Variants in BLVRA observed in about 807,000 individuals in gnomAD.
The protein encoded by BLVRA is BVR A.
BLVRA carries 22 observed loss-of-function variants against 32.8 expected under a neutral mutation model. The observed-to-expected ratio is 0.67, with a 90% CI of 0.48 to 0.96. The LOEUF is 0.96. Ranked by LOEUF, BLVRA falls within the 40% of genes least tolerant of loss-of-function variation. The pLI, the probability that BLVRA is intolerant of heterozygous loss-of-function variation, is 0.00. For missense variants in BLVRA, 323 were observed against 358.1 expected (o/e 0.90, Z 0.79); for synonymous variants, 119 against 141.3 (o/e 0.84, Z 1.12).
intron 1 of BLVRA, chr7:43,767,504 G>A: frequency 8.0e-7 from 1 of 1,242,622 alleles, no homozygotes; most frequent in East Asian, 2.4e-5. Flanking sequence ...TGCTGCTATT[G>A]TTGCCGTGGT....
intron 5 of BLVRA, among the ~76,000 whole-genome samples, chr7:43,793,824 A>G (rs2095788810): frequency 6.6e-6 from 1 of 151,308 alleles, no homozygotes; most frequent in Non-Finnish European, 1.5e-5. Flanking sequence ...GGGTTTCACG[A>G]TGTTGGACAC....
chr7:43,781,974 A>G (rs941131803), intron 2 of BLVRA, among the ~76,000 whole-genome samples: 10 of 152,064 alleles, frequency 6.6e-5, no homozygotes, highest in African/African-American at 2.4e-4. Context: ...CTGCACAAAC[A>G]GTTTTCTCAA....
At chr7:43,803,924 C>G (rs1360605924) in intron 7 of BLVRA, 77 bp downstream of exon 7, 3 of 1,554,242 alleles carry the variant, frequency 1.9e-6, no homozygotes, top group South Asian at 2.2e-5. Flanking sequence ...CCAAAGGGAG[C>G]CCCGAGGGGC....
intron 1 of BLVRA, among the ~76,000 whole-genome samples, chr7:43,759,612 T>C (rs2132537851): frequency 6.6e-6 from 1 of 152,330 alleles, no homozygotes; most frequent in South Asian, 2.1e-4. Context: ...ATAAATAGCT[T>C]ACAATAGGGT....
rs1215065045 is a variant in BLVRA, at chr7:43,807,235, AGAG to A, written c.*8_*10del. Reference sequence around the variant, plus strand: ...AGAAATATTGCTGTTCAAGGAAGTAAGAGGAGGAGGTGATGTAGCACTTCCAAG... The same window carrying A: ...AGAAATATTGCTGTTCAAGGAAGTAAGAGGAGGTGATGTAGCACTTCCAAG... On this transcript the variant is annotated 3_prime_UTR_variant, in exon 8 of 8. Coordinates refer to ENST00000265523, the MANE Select transcript of BLVRA (RefSeq NM_000712.4). The A allele has an allele frequency of 6.2e-7, 1 of 1,603,928 alleles. No individual in the cohort carries two copies. Among genetic ancestry groups the A allele is most frequent in the African/African-American group, 1.3e-5 (1 of 75,040 alleles).
chr7:43,771,311 T>A, intron 2 of BLVRA, 141 bp downstream of exon 2: 1 of 985,208 alleles, frequency 1.0e-6, no homozygotes, highest in East Asian at 2.5e-5. Flanking sequence ...GAAGTGCACG[T>A]GGTTCTGGGT....
intron 1 of BLVRA, among the ~76,000 whole-genome samples, chr7:43,770,672 G>A (rs528137815): frequency 1.5e-4 from 23 of 152,132 alleles, no homozygotes; most frequent in Middle Eastern, 3.4e-3. Flanking sequence ...GGTCCGGAGC[G>A]GCTTCTTGGA....
At chr7:43,806,923 A>T in intron 7 of BLVRA, 54 bp from the exon 8 acceptor site, 3 of 1,607,468 alleles carry the variant, frequency 1.9e-6, no homozygotes, top group Non-Finnish European at 2.6e-6. Context: ...GCAAGCACCC[A>T]CTTGTGCTCT....
At chr7:43,776,227 T>G (rs986706799) in intron 2 of BLVRA, among the ~76,000 whole-genome samples, 17 of 152,210 alleles carry the variant, frequency 1.1e-4, no homozygotes, top group Non-Finnish European at 2.9e-5. Context: ...CTTTTAATTG[T>G]GATGTTAGGG....
At chr7:43,777,723 T>C (rs1170913213) in intron 2 of BLVRA, among the ~76,000 whole-genome samples, 2 of 152,180 alleles carry the variant, frequency 1.3e-5, no homozygotes, top group African/African-American at 4.8e-5. Flanking sequence ...TCCTGGATAA[T>C]ATCCTGCAGA....
At chr7:43,804,441 GA>G (rs11306210) in intron 7 of BLVRA, among the ~76,000 whole-genome samples, 55,400 of 151,710 alleles carry the variant, frequency 0.37, 10,462 homozygotes, top group Admixed American at 0.45. Context: ...ACTCCTTCTT[GA>G]AAAAAAAGAA....
At chr7:43,766,290 GAAAAAA>G (rs56186712) in intron 1 of BLVRA, among the ~76,000 whole-genome samples, 1 of 93,900 alleles carries the variant, frequency 1.1e-5, no homozygotes, top group African/African-American at 4.1e-5. Flanking sequence ...CTGTCTCAGG[GAAAAAA>G]AAAAAAAAAA....
At chr7:43,798,454 G>A (rs2095795225) in intron 5 of BLVRA, among the ~76,000 whole-genome samples, 3 of 152,036 alleles carry the variant, frequency 2.0e-5, no homozygotes, top group African/African-American at 7.2e-5. Context: ...TTTTATATCA[G>A]TAGAAACTCA....
intron 2 of BLVRA, among the ~76,000 whole-genome samples, chr7:43,778,472 G>A (rs569697171): frequency 1.6e-4 from 24 of 152,302 alleles, no homozygotes; most frequent in Non-Finnish European, 2.9e-4. Context: ...GTAGAACAGC[G>A]GATTTTCGTG....
chr7:43,791,467 C>A, intron 4 of BLVRA, 99 bp downstream of exon 4: 1 of 1,363,570 alleles, frequency 7.3e-7, no homozygotes, highest in Non-Finnish European at 1.0e-6. Context: ...GTCAGAAGAG[C>A]CAGTGAGAAA....
chr7:43,770,337 G>T lies in BLVRA; in HGVS notation c.-21-801G>T, dbSNP rs1278474614. ...GTGAGAGAAAAAATTAATCTTTACA[G>T]GCCTCTGTTCTACTGTCATTCCAGT... is the stretch of plus-strand genomic sequence containing the variant. On this transcript the variant is annotated intron_variant, in intron 1 of 7. Transcript: ENST00000265523. Among the ~76,000 whole-genome samples the T allele has an allele frequency of 2.0e-5, 3 of 152,162 alleles. No homozygotes were observed. The East Asian group carries it at 5.8e-4, about 29-fold the overall frequency.
At chr7:43,758,859 A>T (rs1360969710) in intron 1 of BLVRA, 125 bp downstream of exon 1, 1 of 151,588 alleles carries the variant, frequency 6.6e-6, no homozygotes, top group East Asian at 1.9e-4. Flanking sequence ...CGCGGCCGCC[A>T]GAGCCGGGAC....
rs190497278 is a variant in BLVRA, at chr7:43,781,032, A to T, written c.13-6872A>T. On this transcript the variant is annotated intron_variant, in intron 2 of 7. Transcript: ENST00000265523. Reference sequence around the variant, plus strand: ...GTGGCACATGCCTGTAATCCCAGCTACTCAGGAGGCTGAGGCAGGAGAATC... The same window carrying T: ...GTGGCACATGCCTGTAATCCCAGCTTCTCAGGAGGCTGAGGCAGGAGAATC... Among the ~76,000 whole-genome samples the T allele has an allele frequency of 1.8e-3, 273 of 152,166 alleles. 1 individual carries two copies. The highest frequency in any genetic ancestry group is 6.2e-3 in the African/African-American group (259 of 41,520).
intron 2 of BLVRA, among the ~76,000 whole-genome samples, chr7:43,774,093 T>C (rs1345071421): frequency 1.3e-5 from 2 of 152,218 alleles, no homozygotes; most frequent in Non-Finnish European, 2.9e-5. Context: ...GTAGGTTGCC[T>C]GTTCACTCTG....
Sources: gnomAD v4.1 joint callset for allele counts (sites outside exome capture counted in the v4.1 genomes callset) on GRCh38, gnomAD v4.1.1 for gene constraint, MANE v1.5 for transcripts, NCBI Gene and HGNC (gene_info 2026-07-23, HGNC 2026-07-21) for gene names.